RGS20: variants seen among roughly 807,000 people sequenced by gnomAD.
RGS20 encodes gz-selective GTPase-activating protein.
Under a neutral mutation model 33.6 loss-of-function variants are expected in RGS20, and 30 were observed. That is an observed-to-expected ratio of 0.89 (90% CI 0.67 to 1.21). RGS20 has a LOEUF of 1.21. RGS20 is among the 50% of genes most tolerant of loss of function. The pLI is 0.00. For missense variants in RGS20, 472 were observed against 502.4 expected (o/e 0.94, Z 0.58); for synonymous variants, 208 against 197.9 (o/e 1.05, Z -0.43).
chr8:53,895,898 C>T (rs1471950519), intron 2 of RGS20, among the ~76,000 whole-genome samples: 1 of 152,010 alleles, frequency 6.6e-6, no homozygotes, highest in South Asian at 2.1e-4. Context: ...CTGCCCGCCT[C>T]GGCCTCCCAA....
At chr8:53,868,141 C>T (rs562324120) in intron 1 of RGS20, among the ~76,000 whole-genome samples, 20 of 152,286 alleles carry the variant, frequency 1.3e-4, no homozygotes, top group Admixed American at 1.2e-3. Flanking sequence ...AGTAATTCAA[C>T]CTCCTGTGTA....
intron 1 of RGS20, chr8:53,852,074 T>C: frequency 6.2e-7 from 1 of 1,603,988 alleles, no homozygotes; most frequent in Non-Finnish European, 8.5e-7. Flanking sequence ...GGTAAGGTGA[T>C]TTCCACAATC....
intron 5 of RGS20, among the ~76,000 whole-genome samples, 175 bp from the exon 5 acceptor site, chr8:53,958,095 C>T (rs1417838830): frequency 6.6e-6 from 1 of 152,034 alleles, no homozygotes; most frequent in Non-Finnish European, 1.5e-5. Context: ...GAGATCGCGC[C>T]ACTGCACTCC....
chr8:53,935,780 C>G (rs35636630), intron 2 of RGS20, among the ~76,000 whole-genome samples: 61,382 of 151,880 alleles, frequency 0.4, 15,671 homozygotes, highest in African/African-American at 0.74. Flanking sequence ...CCAAAACCTG[C>G]CAGAGACACA....
At chr8:53,951,691 T>G (rs949367160) in intron 4 of RGS20, among the ~76,000 whole-genome samples, 2 of 152,152 alleles carry the variant, frequency 1.3e-5, no homozygotes, top group Non-Finnish European at 2.9e-5. Flanking sequence ...CAAACTGTAC[T>G]GACACCAATA....
At chr8:53,929,210 G>A (rs912900352) in intron 2 of RGS20, among the ~76,000 whole-genome samples, 10 of 152,244 alleles carry the variant, frequency 6.6e-5, no homozygotes, top group Admixed American at 1.3e-4. Flanking sequence ...TTGAGGGTGA[G>A]GATGTGTTCA....
chr8:53,922,140 C>T (rs536831743), intron 2 of RGS20, among the ~76,000 whole-genome samples: 3 of 151,910 alleles, frequency 2.0e-5, no homozygotes, highest in African/African-American at 7.2e-5. Flanking sequence ...GTCGGTTTTT[C>T]CCTTCAATTC....
chr8:53,917,997 G>A (rs1311047312), intron 2 of RGS20, among the ~76,000 whole-genome samples: 2 of 151,850 alleles, frequency 1.3e-5, no homozygotes, highest in Non-Finnish European at 2.9e-5. Flanking sequence ...TGTGGACTTC[G>A]GGGTCTTGAT....
chr8:53,914,242 G>T (rs963763653), intron 2 of RGS20, among the ~76,000 whole-genome samples: 4 of 152,074 alleles, frequency 2.6e-5, no homozygotes, highest in Non-Finnish European at 5.9e-5. Context: ...TGTTGCCTGG[G>T]CTGGTCTTGA....
intron 2 of RGS20, among the ~76,000 whole-genome samples, chr8:53,882,595 G>T (rs1812423699): frequency 6.7e-6 from 1 of 150,014 alleles, no homozygotes; most frequent in South Asian, 2.1e-4. Flanking sequence ...CTTGGCAAAA[G>T]CTCGCGCCAC....
chr8:53,909,922 T>A (rs1034121396), intron 2 of RGS20, among the ~76,000 whole-genome samples: 3 of 152,152 alleles, frequency 2.0e-5, no homozygotes, highest in African/African-American at 7.2e-5. Context: ...TCTAGAGTCC[T>A]TTGTATCTAG....
chr8:53,953,780 T>C (rs1196591297), intron 4 of RGS20, among the ~76,000 whole-genome samples: 4 of 152,186 alleles, frequency 2.6e-5, no homozygotes, highest in Admixed American at 2.6e-4. Flanking sequence ...ATTTACAGTT[T>C]TTAAAATATT....
At chr8:53,945,997 A>G (rs1814464834) in intron 3 of RGS20, among the ~76,000 whole-genome samples, 1 of 152,238 alleles carries the variant, frequency 6.6e-6, no homozygotes, top group African/African-American at 2.4e-5. Flanking sequence ...AAGTTTACAG[A>G]CAAATGTACA....
intron 1 of RGS20, among the ~76,000 whole-genome samples, chr8:53,873,556 A>G (rs1031386127): frequency 1.3e-5 from 2 of 152,224 alleles, no homozygotes; most frequent in Non-Finnish European, 2.9e-5. Flanking sequence ...ATGTCATAGC[A>G]TATATCAGAA....
At chr8:53,906,856 A>T (rs1046890066) in intron 2 of RGS20, among the ~76,000 whole-genome samples, 1 of 152,176 alleles carries the variant, frequency 6.6e-6, no homozygotes, top group Non-Finnish European at 1.5e-5. Flanking sequence ...CAACTGAGGG[A>T]CTAAGGTAAA....
intron 1 of RGS20, among the ~76,000 whole-genome samples, chr8:53,852,573 G>A (rs2129265247): frequency 6.6e-6 from 1 of 152,252 alleles, no homozygotes; most frequent in Admixed American, 6.5e-5. Context: ...GTTTCTATCA[G>A]TAGGTAATAA....
chr8:53,882,678 C>G (rs996960265), intron 2 of RGS20, among the ~76,000 whole-genome samples: 1 of 151,904 alleles, frequency 6.6e-6, no homozygotes, highest in African/African-American at 2.4e-5. Flanking sequence ...AAGCCTATCG[C>G]TCTTTGTCGA....
chr8:53,923,608 T>C (rs868026097), intron 2 of RGS20, among the ~76,000 whole-genome samples: 1 of 151,520 alleles, frequency 6.6e-6, no homozygotes, highest in African/African-American at 2.4e-5. Context: ...AAAAAAAAAA[T>C]TTCCAGAGAC....
At chr8:53,947,173 A>G (rs1041634836) in intron 4 of RGS20, among the ~76,000 whole-genome samples, 1 of 146,382 alleles carries the variant, frequency 6.8e-6, no homozygotes, top group South Asian at 2.1e-4. Flanking sequence ...TACACTCTAT[A>G]TAAGATATAG....
Sources: gnomAD v4.1 joint callset for allele counts (sites outside exome capture counted in the v4.1 genomes callset) on GRCh38, gnomAD v4.1.1 for gene constraint, MANE v1.5 for transcripts, NCBI Gene and HGNC (gene_info 2026-07-23, HGNC 2026-07-21) for gene names.